The following COL19A1 variants were observed in gnomAD, a reference collection of about 807,000 sequenced individuals.
The protein encoded by COL19A1 is collagen type XIX alpha 1 chain.
COL19A1 carries 159 observed loss-of-function variants against 190.2 expected under a neutral mutation model. The observed-to-expected ratio is 0.84, with a 90% CI of 0.73 to 0.95. The LOEUF (loss-of-function observed/expected upper bound fraction) is 0.95, where lower values mean the gene tolerates loss of function less well. Ranked by LOEUF, COL19A1 falls within the 40% of genes least tolerant of loss-of-function variation. The probability of loss-of-function intolerance (pLI) is 0.00; values close to 1 mark genes in which losing one functional copy is unlikely to be tolerated. For missense variants in COL19A1, 1,418 were observed against 1,431.9 expected (o/e 0.99, Z 0.16); for synonymous variants, 509 against 458.9 (o/e 1.11, Z -1.39).
At chr6:70,126,924 C>T (rs1418162522) in intron 17 of COL19A1, among the ~76,000 whole-genome samples, 1 of 152,112 alleles carries the variant, frequency 6.6e-6, no homozygotes, top group African/African-American at 2.4e-5. Context: ...TATTTCTGTA[C>T]CTTTTAAGTT....
At chr6:69,932,232 G>A (rs114845322) in intron 6 of COL19A1, among the ~76,000 whole-genome samples, 2,575 of 152,056 alleles carry the variant, frequency 0.017, 81 homozygotes, top group African/African-American at 0.057. Context: ...AAGGTTGTTA[G>A]CCCTGCTTAG....
At chr6:69,991,641 G>A (rs768809664) in intron 11 of COL19A1, among the ~76,000 whole-genome samples, 18 of 151,982 alleles carry the variant, frequency 1.2e-4, no homozygotes, top group Non-Finnish European at 2.1e-4. Flanking sequence ...ATGATGAGTG[G>A]TGTTGAGCAT....
At chr6:70,105,188 A>G (rs1783875411) in intron 16 of COL19A1, among the ~76,000 whole-genome samples, 1 of 152,182 alleles carries the variant, frequency 6.6e-6, no homozygotes, top group African/African-American at 2.4e-5. Flanking sequence ...GAAAAAATCT[A>G]TGCAGAAGAC....
At chr6:70,071,507 G>A (rs1416281730) in intron 15 of COL19A1, among the ~76,000 whole-genome samples, 2 of 151,896 alleles carry the variant, frequency 1.3e-5, no homozygotes, top group Non-Finnish European at 2.9e-5. Context: ...TGAAATTTAT[G>A]GGCTGTTTTA....
At chr6:70,002,805 T>G (rs1389478632) in intron 11 of COL19A1, among the ~76,000 whole-genome samples, 2 of 136,642 alleles carry the variant, frequency 1.5e-5, no homozygotes, top group Non-Finnish European at 3.2e-5. Flanking sequence ...TTGTTGTTGG[T>G]TTTTTTTTTT....
At chr6:69,939,950 G>A (rs905023689) in intron 9 of COL19A1, among the ~76,000 whole-genome samples, 4 of 151,620 alleles carry the variant, frequency 2.6e-5, no homozygotes, top group South Asian at 2.1e-4. Context: ...ATTTATACAC[G>A]TTCACATACA....
intron 4 of COL19A1, among the ~76,000 whole-genome samples, chr6:69,902,288 G>A (rs1770240794): frequency 6.6e-6 from 1 of 152,204 alleles, no homozygotes; most frequent in South Asian, 2.1e-4. Flanking sequence ...GTCAGCATGG[G>A]AAAAGGCAGA....
chr6:70,204,809 A>C (rs1469293837), intron 49 of COL19A1, among the ~76,000 whole-genome samples: 1 of 152,174 alleles, frequency 6.6e-6, no homozygotes, highest in Admixed American at 6.5e-5. Flanking sequence ...CTGAGGATCA[A>C]CTTTATAACT....
At chr6:70,006,552 G>A (rs1420468643) in intron 11 of COL19A1, among the ~76,000 whole-genome samples, 1 of 152,074 alleles carries the variant, frequency 6.6e-6, no homozygotes, top group African/African-American at 2.4e-5. Context: ...TCTTTTCTAT[G>A]GGAGCCTCTG....
intron 16 of COL19A1, among the ~76,000 whole-genome samples, chr6:70,113,842 C>CTTTTTTTTTTTTTTTTTTT (rs34876942): frequency 1.6e-5 from 1 of 64,138 alleles, no homozygotes; most frequent in African/African-American, 6.9e-5. Context: ...CCAAGTCTTT[C>CTTTTTTTTTTTTTTTTTTT]TTTTTTTTTT....
chr6:70,199,683 G>A lies in COL19A1; in HGVS notation c.3170G>A (p.Gly1057Glu), dbSNP rs1214277527. ...MLAAQAYGRP[G>E]PPGKDGLPGP... Reference sequence around the variant, plus strand: ...GCTGCCCAAGCTTATGGGAGACCTGGGCCACCAGGGAAGGATGGGTTGCCT... The same window carrying A: ...GCTGCCCAAGCTTATGGGAGACCTGAGCCACCAGGGAAGGATGGGTTGCCT... Residue 1057 changes from glycine to glutamate, a missense_variant, in exon 49 of 51, where the codon GGG becomes GAG. By Grantham distance (98) the Gly-to-Glu change is moderately conservative. Transcript: ENST00000620364. 1 of 1,610,522 alleles carries A rather than the reference G, an allele frequency of 6.2e-7. No homozygotes were observed. Among genetic ancestry groups the A allele is most frequent in the Admixed American group, 1.7e-5 (1 of 59,858 alleles).
intron 11 of COL19A1, among the ~76,000 whole-genome samples, chr6:69,993,964 C>T (rs1313533843): frequency 6.6e-6 from 1 of 151,442 alleles, no homozygotes; most frequent in Non-Finnish European, 1.5e-5. Flanking sequence ...TAGTTCATCT[C>T]TTATTTTGGT....
chr6:69,874,157 A>T (rs1460432880), intron 1 of COL19A1, among the ~76,000 whole-genome samples: 1 of 152,202 alleles, frequency 6.6e-6, no homozygotes, highest in Non-Finnish European at 1.5e-5. Flanking sequence ...ATGTGTTCAG[A>T]GCATCAAGAA....
chr6:69,927,318 A>G (rs564706565), intron 4 of COL19A1, among the ~76,000 whole-genome samples: 1 of 152,328 alleles, frequency 6.6e-6, no homozygotes, highest in African/African-American at 2.4e-5. Context: ...ATCTTCATTG[A>G]TGGGAATATA....
intron 12 of COL19A1, among the ~76,000 whole-genome samples, chr6:70,025,673 C>T (rs572171343): frequency 1.3e-5 from 2 of 152,194 alleles, no homozygotes; most frequent in East Asian, 1.9e-4. Context: ...TTACACTCTC[C>T]GTGAAAGCAA....
At chr6:70,026,924 A>G (rs1160226504) in intron 12 of COL19A1, among the ~76,000 whole-genome samples, 3 of 152,162 alleles carry the variant, frequency 2.0e-5, no homozygotes, top group Non-Finnish European at 4.4e-5. Context: ...CCTGCCACAC[A>G]TCATTGCTTA....
In COL19A1 at chr6:69,973,388, G is replaced by A. The variant is rs972327290; in HGVS notation, c.1026+10518G>A. On this transcript the variant is annotated intron_variant, in intron 11 of 50. Coordinates refer to ENST00000620364, the MANE Select transcript of COL19A1 (RefSeq NM_001858.6). The stretch of plus-strand genomic sequence containing the variant: ...CCACTGCTTTCTTTTTCATTTGTTT[G>A]ACTTACCTCCCATCAAGCCTGATTT... Among the ~76,000 whole-genome samples the A allele has an allele frequency of 5.3e-5, 8 of 151,960 alleles. No homozygotes were observed. In the East Asian group the frequency reaches 1.3e-3, roughly 26 times the overall value.
intron 12 of COL19A1, among the ~76,000 whole-genome samples, chr6:70,030,765 A>T (rs952792171): frequency 6.6e-6 from 1 of 152,122 alleles, no homozygotes; most frequent in Non-Finnish European, 1.5e-5. Flanking sequence ...GTCAAATGCA[A>T]CTCAGCCTGG....
At chr6:70,118,682 C>T (rs941800227) in intron 16 of COL19A1, among the ~76,000 whole-genome samples, 1 of 152,196 alleles carries the variant, frequency 6.6e-6, no homozygotes, top group Non-Finnish European at 1.5e-5. Context: ...GAAGATAAGA[C>T]ATTTTGTGAC....
Sources: gnomAD v4.1 joint callset for allele counts (sites outside exome capture counted in the v4.1 genomes callset) on GRCh38, gnomAD v4.1.1 for gene constraint, MANE v1.5 for transcripts, NCBI Gene and HGNC (gene_info 2026-07-23, HGNC 2026-07-21) for gene names.